CD80: variants seen among roughly 807,000 people sequenced by gnomAD.
CD80 encodes CD80 molecule.
Under a neutral mutation model 27.1 loss-of-function variants are expected in CD80, and 13 were observed. That is an observed-to-expected ratio of 0.48 (90% CI 0.31 to 0.76). The LOEUF is 0.76. Among genes scored for constraint, CD80 ranks in the 30% least tolerant of loss-of-function variants. The pLI is 0.04. For missense variants in CD80, 277 were observed against 347.9 expected, an observed-to-expected ratio of 0.80 and a Z score of 1.62; for synonymous variants, 125 against 125.5, an observed-to-expected ratio of 1.00 and a Z score of 0.03.
At chr3:119,534,484 G>C (rs996007995) in intron 4 of CD80, among the ~76,000 whole-genome samples, 2 of 151,940 alleles carry the variant, frequency 1.3e-5, no homozygotes, top group Non-Finnish European at 2.9e-5. Context: ...CAGCAGAATT[G>C]AGTTGTTGCA....
intron 2 of CD80, among the ~76,000 whole-genome samples, chr3:119,555,877 T>C (rs1053468730): frequency 6.6e-6 from 1 of 152,214 alleles, no homozygotes; most frequent in Non-Finnish European, 1.5e-5. Flanking sequence ...GCCAGCCTCA[T>C]CCTTACCTTT....
chr3:119,525,868 GTATATATAATTTAATTATATATGTA>G (rs1210787376), intron 6 of CD80, 119 bp from the exon 7 acceptor site: 3 of 141,894 alleles, frequency 2.1e-5, no homozygotes, highest in Non-Finnish European at 4.5e-5. Flanking sequence ...ATGTATATAT[GTATATATAATTTAATTATATATGTA>G]TATATATATA....
intron 2 of CD80, among the ~76,000 whole-genome samples, chr3:119,550,960 G>T (rs2082228008): frequency 6.6e-6 from 1 of 152,050 alleles, no homozygotes; most frequent in Non-Finnish European, 1.5e-5. Flanking sequence ...CTACTCTTTA[G>T]TCTCTTTGCC....
intron 5 of CD80, 57 bp downstream of exon 5, chr3:119,529,785 G>T: frequency 2.5e-6 from 3 of 1,189,780 alleles, no homozygotes; most frequent in Non-Finnish European, 3.8e-6. Context: ...CCGAACCATG[G>T]TAATAAAGTT....
At chr3:119,537,078 G>T in intron 4 of CD80, 59 bp downstream of exon 4, 2 of 1,405,124 alleles carry the variant, frequency 1.4e-6, no homozygotes, top group Non-Finnish European at 2.0e-6. Flanking sequence ...TAAATGACAC[G>T]ACTATATTGT....
rs2082055166 is a variant in CD80 at position 119,524,805 on chromosome 3, CAGAA to C, written c.*979_*982del. On this transcript the variant is annotated 3_prime_UTR_variant, in exon 7 of 7. Transcript: ENST00000264246. ...TGTCTTTCCAGTTCTCTGCTGATGTCAGAAAGACCCAGAAATACCAAGGAGAAAA... is the reference window on the plus strand; with the variant it reads ...TGTCTTTCCAGTTCTCTGCTGATGTCAGACCCAGAAATACCAAGGAGAAAA... 6.6e-6 allele frequency: 1 copy of C among 152,168 alleles called. No individual in the cohort carries two copies. Among genetic ancestry groups the C allele is most frequent in the African/African-American group, 2.4e-5 (1 of 41,430 alleles). The allele number at this position is 152,168 out of a possible 1,614,324, so 9.4% of individuals were successfully genotyped here.
In CD80 at chr3:119,524,920, T is replaced by G. The variant is rs1316910549; in HGVS notation, c.*868A>C. 1 of 152,206 alleles carries G rather than the reference T, an allele frequency of 6.6e-6. No homozygotes were observed. Among genetic ancestry groups the G allele is most frequent in the Non-Finnish European group, 1.5e-5 (1 of 68,028 alleles). The allele number at this position is 152,206 out of a possible 1,614,324, so 9.4% of individuals were successfully genotyped here. On this transcript the variant is annotated 3_prime_UTR_variant, in exon 7 of 7. Coordinates refer to ENST00000264246, the MANE Select transcript of CD80 (RefSeq NM_005191.4). ...AGCTTACTGCTTAGTACATACACTGTAAACAACGATCTCATTTTAAATGAG... is the reference window on the plus strand; with the variant it reads ...AGCTTACTGCTTAGTACATACACTGGAAACAACGATCTCATTTTAAATGAG...
chr3:119,527,807 A>G lies in CD80; in HGVS notation c.831T>C (p.Asn277=). ...FAPRCRERRR[N]ERLRRESVRP... is the part of the protein sequence containing the mutation. ...GTACACTTTCCCTTCTCAATCTCTC[A>G]TTCCTCCTTCTCTCTCTGCATCTTG... Residue 277 remains asparagine, a synonymous_variant, in exon 6 of 7, where the codon AAT becomes AAC. Coordinates refer to ENST00000264246, the MANE Select transcript of CD80 (RefSeq NM_005191.4). 1 of 1,614,006 alleles carries G rather than the reference A, an allele frequency of 6.2e-7. No homozygotes were observed. The highest frequency in any genetic ancestry group is 8.5e-7 in the Non-Finnish European group (1 of 1,179,908).
rs1414298881 is a variant in CD80 at position 119,527,737 on chromosome 3, A to G, written c.*34T>C. 6.4e-7 allele frequency: 1 copy of G among 1,567,556 alleles called. No homozygotes were observed. Among genetic ancestry groups the G allele is most frequent in the Non-Finnish European group, 8.8e-7 (1 of 1,137,706 alleles). On this transcript the variant is annotated 3_prime_UTR_variant, in exon 6 of 7. Transcript: ENST00000264246. ...AGAAGAGATGACGGAGGCTACCTTCAGATCTTTTCAGCCCCTTGCTTCTGC... is the reference window on the plus strand; with the variant it reads ...AGAAGAGATGACGGAGGCTACCTTCGGATCTTTTCAGCCCCTTGCTTCTGC...
intron 5 of CD80, among the ~76,000 whole-genome samples, chr3:119,528,737 C>T (rs1200056126): frequency 1.3e-5 from 2 of 151,928 alleles, no homozygotes; most frequent in Non-Finnish European, 2.9e-5. Flanking sequence ...TCCTGGCCAA[C>T]ATGGTGAAAC....
chr3:119,545,638 T>C (rs552578255), intron 2 of CD80, among the ~76,000 whole-genome samples: 2 of 152,274 alleles, frequency 1.3e-5, no homozygotes, highest in South Asian at 4.1e-4. Context: ...CTTAGCATGA[T>C]GCACTCAAGG....
chr3:119,536,925 G>C (rs903083451), intron 4 of CD80, among the ~76,000 whole-genome samples: 1 of 152,212 alleles, frequency 6.6e-6, no homozygotes, highest in East Asian at 1.9e-4. Flanking sequence ...CTGTACAGGT[G>C]TGTAGCCTCA....
intron 4 of CD80, among the ~76,000 whole-genome samples, chr3:119,536,400 G>T (rs562893460): frequency 6.6e-6 from 1 of 152,108 alleles, no homozygotes; most frequent in East Asian, 1.9e-4. Flanking sequence ...GAGTCTAGTG[G>T]CATGATCATA....
chr3:119,552,344 A>T (rs6772303), intron 2 of CD80, among the ~76,000 whole-genome samples: 1 of 151,776 alleles, frequency 6.6e-6, no homozygotes, highest in South Asian at 2.1e-4. Context: ...TAAATTAGCC[A>T]GGCGTGGTGG....
At chr3:119,526,672 C>T (rs2082067829) in intron 6 of CD80, among the ~76,000 whole-genome samples, 1 of 152,170 alleles carries the variant, frequency 6.6e-6, no homozygotes, top group Non-Finnish European at 1.5e-5. Flanking sequence ...AGATCTTGCT[C>T]ATAGAGATTT....
intron 3 of CD80, among the ~76,000 whole-genome samples, chr3:119,539,208 A>G (rs1239842639): frequency 6.6e-6 from 1 of 152,234 alleles, no homozygotes; most frequent in Non-Finnish European, 1.5e-5. Context: ...TAATGTGCAT[A>G]TGGAAGCCTG....
intron 2 of CD80, among the ~76,000 whole-genome samples, chr3:119,554,901 G>C (rs1284771087): frequency 6.6e-6 from 1 of 152,006 alleles, no homozygotes; most frequent in African/African-American, 2.4e-5. Flanking sequence ...CTCCTAATAG[G>C]TTTTGCACAG....
At chr3:119,531,790 A>C (rs1489157948) in intron 4 of CD80, among the ~76,000 whole-genome samples, 2 of 127,136 alleles carry the variant, frequency 1.6e-5, no homozygotes, top group South Asian at 2.2e-4. Flanking sequence ...CAGCCTCCCG[A>C]GTAGCTGGGA....
At chr3:119,542,829 A>G (rs1246378560) in intron 3 of CD80, among the ~76,000 whole-genome samples, 1 of 152,188 alleles carries the variant, frequency 6.6e-6, no homozygotes, top group African/African-American at 2.4e-5. Context: ...ATTAGCCACA[A>G]GATTAGAAAT....
Sources: gnomAD v4.1 joint callset for allele counts (sites outside exome capture counted in the v4.1 genomes callset) on GRCh38, gnomAD v4.1.1 for gene constraint, MANE v1.5 for transcripts, NCBI Gene and HGNC (gene_info 2026-07-23, HGNC 2026-07-21) for gene names.